Variants in ADCY7 observed in about 807,000 individuals in gnomAD.
The protein encoded by ADCY7 is adenylate cyclase 7.
ADCY7 carries 72 observed loss-of-function variants against 120.6 expected under a neutral mutation model. The ratio of observed to expected loss-of-function variants is 0.60; its 90% CI spans 0.49 to 0.73. ADCY7 has a LOEUF of 0.73. Ranked by LOEUF, ADCY7 falls within the 30% of genes least tolerant of loss-of-function variation. ADCY7 has a pLI of 0.00. For missense variants in ADCY7, 1,227 were observed against 1,486.0 expected, an observed-to-expected ratio of 0.83 and a Z score of 2.87; for synonymous variants, 661 against 628.0, an observed-to-expected ratio of 1.05 and a Z score of -0.78.
intron 7 of ADCY7, 50 bp downstream of exon 7, chr16:50,294,801 T>G: frequency 7.4e-7 from 1 of 1,348,852 alleles, no homozygotes; most frequent in Non-Finnish European, 1.1e-6. Flanking sequence ...CCCCTGCCTA[T>G]TACACCCCAG....
chr16:50,254,218 A>AGGGCAGCCCACC (rs1387142254), intron 1 of ADCY7, among the ~76,000 whole-genome samples: 3 of 152,290 alleles, frequency 2.0e-5, no homozygotes, highest in African/African-American at 7.2e-5. Context: ...AGCAGCAGAC[A>AGGGCAGCCCACC]GGGCAGCCCA....
At chr16:50,272,105 C>T (rs1307629966) in intron 1 of ADCY7, among the ~76,000 whole-genome samples, 1 of 151,888 alleles carries the variant, frequency 6.6e-6, no homozygotes, top group South Asian at 2.1e-4. Context: ...ATTCTTGCCT[C>T]CTCCCAGGGT....
intron 10 of ADCY7, among the ~76,000 whole-genome samples, chr16:50,302,809 A>G (rs112762562): frequency 6.6e-6 from 1 of 151,952 alleles, no homozygotes; most frequent in Non-Finnish European, 1.5e-5. Context: ...CGCACCCTGC[A>G]TTTTTCCTAC....
At chr16:50,276,843 C>A (rs2033924864) in intron 1 of ADCY7, among the ~76,000 whole-genome samples, 1 of 152,184 alleles carries the variant, frequency 6.6e-6, no homozygotes, top group South Asian at 2.1e-4. Flanking sequence ...GTCCTCCTGC[C>A]TCGGCCTCCT....
At position 50,293,384 on chromosome 16, in the gene ADCY7, C is replaced by A; in HGVS notation, c.718C>A (p.His240Asn). The A allele has an allele frequency of 6.2e-7, 1 of 1,613,834 alleles. No homozygotes were observed. The highest frequency in any genetic ancestry group is 8.5e-7 in the Non-Finnish European group (1 of 1,179,868). The change falls in exon 6 of 26, where the codon CAC (histidine) becomes AAC (asparagine). Residue 240 changes from histidine (H) to asparagine (N), a missense_variant. His to Asn is a moderately conservative substitution (Grantham distance 68). Transcript: ENST00000673801. ...ENLLLSVLPA[H>N]ISMGMKLAII... ...CCTGCTGCTGTCAGTGCTTCCGGCCCACATCTCCATGGGCATGAAGCTGGC... is the reference window on the plus strand; with the variant it reads ...CCTGCTGCTGTCAGTGCTTCCGGCCAACATCTCCATGGGCATGAAGCTGGC...
At chr16:50,257,197 G>A (rs2032940124) in intron 1 of ADCY7, among the ~76,000 whole-genome samples, 1 of 151,988 alleles carries the variant, frequency 6.6e-6, no homozygotes, top group African/African-American at 2.4e-5. Context: ...GGGCAACATA[G>A]CACCCCACCT....
chr16:50,266,317 T>C (rs191260053), upstream of ADCY7, among the ~76,000 whole-genome samples: 128 of 152,274 alleles, frequency 8.4e-4, 1 homozygote, highest in Non-Finnish European at 7.5e-4. Flanking sequence ...CTTGTTTTAT[T>C]ATTATTTTTT....
At position 50,300,736 on chromosome 16, in the gene ADCY7, C is replaced by T. The variant is rs146454678; in HGVS notation, c.1098C>T (p.Gly366=). 9.1e-5 allele frequency: 141 copies of T among 1,551,900 alleles called. No individual in the cohort carries two copies. In the Middle Eastern group the frequency reaches 2.3e-3, roughly 26 times the overall value. The change falls in exon 9 of 26, where the codon GGC becomes GGT. Residue 366 remains glycine (G), a synonymous_variant. Coordinates refer to ENST00000673801, the MANE Select transcript of ADCY7 (RefSeq NM_001114.5). ...QAIKQVREAT[G]VDINMRVGIH... ...CCAGGCAGGTGCGGGAGGCCACGGG[C>T]GTGGACATCAACATGCGTGTGGGCA...
chr16:50,310,362 T>C, intron 18 of ADCY7: 1 of 1,140,444 alleles, frequency 8.8e-7, no homozygotes, highest in South Asian at 1.3e-5. Flanking sequence ...CAGAGGTCCT[T>C]TGGGAGGGTA....
intron 2 of ADCY7, chr16:50,289,122 C>T: frequency 3.6e-6 from 1 of 274,344 alleles, no homozygotes; most frequent in Non-Finnish European, 7.3e-6. Flanking sequence ...TTCCTGTACC[C>T]ATGCAGACAT....
intron 1 of ADCY7, among the ~76,000 whole-genome samples, chr16:50,261,493 T>G (rs1164170793): frequency 1.3e-5 from 2 of 151,758 alleles, no homozygotes; most frequent in African/African-American, 4.8e-5. Flanking sequence ...AGGCAAGCCA[T>G]GGAAGTTGTT....
At chr16:50,309,031 C>T (rs2036272371) in intron 17 of ADCY7, 2 of 451,462 alleles carry the variant, frequency 4.4e-6, no homozygotes, top group African/African-American at 4.0e-5. Flanking sequence ...TGCCTTGAGC[C>T]ACCACATCCT....
intron 3 of ADCY7, 103 bp from the exon 4 acceptor site, chr16:50,291,633 C>A: frequency 7.1e-7 from 1 of 1,415,642 alleles, no homozygotes; most frequent in Non-Finnish European, 9.8e-7. Flanking sequence ...GGGAGCCAAC[C>A]TAAGGATACG....
chr16:50,246,809 C>T (rs1417397637), intron 1 of ADCY7, among the ~76,000 whole-genome samples: 3 of 152,232 alleles, frequency 2.0e-5, no homozygotes, highest in African/African-American at 7.2e-5. Context: ...TGGGAGCCGA[C>T]CCCGGGTAGG....
At chr16:50,305,671 C>T (rs2036014515) in intron 13 of ADCY7, 85 bp downstream of exon 13, 4 of 1,504,816 alleles carry the variant, frequency 2.7e-6, no homozygotes, top group South Asian at 1.1e-5. Context: ...TCTCATACCC[C>T]ATGCCTGGTG....
At chr16:50,311,998 G>C (rs777872967) in intron 20 of ADCY7, 38 bp from the exon 21 acceptor site, 1 of 1,611,456 alleles carries the variant, frequency 6.2e-7, no homozygotes, top group South Asian at 1.1e-5. Flanking sequence ...GCTCCCACTT[G>C]CCTGTGGACG....
intron 1 of ADCY7, among the ~76,000 whole-genome samples, chr16:50,258,977 A>G (rs186101930): frequency 1.3e-5 from 2 of 152,312 alleles, no homozygotes; most frequent in Non-Finnish European, 2.9e-5. Flanking sequence ...TGTTGGGTGG[A>G]AAACTACCCA....
intron 1 of ADCY7, among the ~76,000 whole-genome samples, chr16:50,285,712 G>GC (rs2034538778): frequency 6.6e-6 from 1 of 152,204 alleles, no homozygotes; most frequent in Non-Finnish European, 1.5e-5. Flanking sequence ...GTCCAGGGTT[G>GC]CCCCCTTCAT....
At position 50,288,258 on chromosome 16, in the gene ADCY7, C is replaced by G; in HGVS notation, c.79C>G (p.Leu27Val). Reference protein sequence around the residue: ...DQDALYEKYQLTSQHGPLLLT... With the variant: ...DQDALYEKYQVTSQHGPLLLT... ...AGATGCGCTCTACGAGAAGTACCAGCTCACCAGCCAGCATGGGCCGCTGCT... is the reference window on the plus strand; with the variant it reads ...AGATGCGCTCTACGAGAAGTACCAGGTCACCAGCCAGCATGGGCCGCTGCT... Residue 27 changes from leucine to valine, a missense_variant, in exon 2 of 26, where the codon CTC becomes GTC. Coordinates refer to ENST00000673801, the MANE Select transcript of ADCY7 (RefSeq NM_001114.5). 6.4e-7 allele frequency: 1 copy of G among 1,551,294 alleles called. No homozygotes were observed. The highest frequency in any genetic ancestry group is 1.2e-5 in the South Asian group (1 of 84,040).
Sources: allele counts gnomAD v4.1 joint callset (sites outside exome capture counted in the v4.1 genomes callset), GRCh38; gene constraint gnomAD v4.1.1; transcripts MANE v1.5; gene names NCBI Gene and HGNC (gene_info 2026-07-23, HGNC 2026-07-21).